The following STIM1 variants were observed in gnomAD, a reference collection of about 807,000 sequenced individuals.
STIM1 encodes stromal interaction molecule 1.
A neutral mutation model predicts 74.7 loss-of-function variants in STIM1; 25 were observed. That is an observed-to-expected ratio of 0.33 (90% confidence interval 0.24 to 0.47). The LOEUF (loss-of-function observed/expected upper bound fraction) is 0.47. STIM1 is among the 20% of genes least tolerant of loss of function. The pLI, the probability that STIM1 is intolerant of heterozygous loss-of-function variation, is 1.00. For synonymous variants in STIM1, 328 were observed against 348.8 expected, an observed-to-expected ratio of 0.94 and a Z score of 0.66; for missense variants, 728 against 920.8, an observed-to-expected ratio of 0.79 and a Z score of 2.71.
intron 2 of STIM1, among the ~76,000 whole-genome samples, chr11:3,997,355 T>TA (rs2093672061): frequency 6.6e-6 from 1 of 152,282 alleles, no homozygotes; most frequent in Admixed American, 6.5e-5. Flanking sequence ...AAGGACACTA[T>TA]AATTTATTAA....
chr11:4,054,807 C>A (rs908236695), intron 3 of STIM1, among the ~76,000 whole-genome samples: 2 of 152,242 alleles, frequency 1.3e-5, no homozygotes, highest in African/African-American at 4.8e-5. Context: ...CCTCTCCCCA[C>A]ACCCATGAAA....
intron 2 of STIM1, among the ~76,000 whole-genome samples, chr11:3,995,982 A>G (rs972598351): frequency 1.3e-5 from 2 of 152,108 alleles, no homozygotes; most frequent in African/African-American, 4.8e-5. Context: ...AGTTATCTCC[A>G]GCAAATTCTC....
intron 2 of STIM1, among the ~76,000 whole-genome samples, chr11:3,994,413 G>A (rs1009575048): frequency 1.3e-5 from 2 of 150,442 alleles, no homozygotes; most frequent in East Asian, 1.9e-4. Flanking sequence ...AAACTTGGGA[G>A]GTTTTTCAGC....
chr11:3,914,487 G>C (rs1398100471), intron 1 of STIM1, among the ~76,000 whole-genome samples: 1 of 152,110 alleles, frequency 6.6e-6, no homozygotes, highest in Non-Finnish European at 1.5e-5. Flanking sequence ...CTGTCGCCAG[G>C]CTGGAGTACA....
intron 2 of STIM1, among the ~76,000 whole-genome samples, chr11:3,974,456 G>T (rs1320955838): frequency 6.7e-6 from 1 of 149,240 alleles, no homozygotes; most frequent in Non-Finnish European, 1.5e-5. Flanking sequence ...CAGGAGGATT[G>T]CTTGAGCCCA....
chr11:3,931,104 G>A (rs1026177075), intron 1 of STIM1, among the ~76,000 whole-genome samples: 1 of 152,178 alleles, frequency 6.6e-6, no homozygotes, highest in African/African-American at 2.4e-5. Context: ...TGATGGGAGG[G>A]TGCATATATC....
At chr11:3,990,703 G>C (rs1008371948) in intron 2 of STIM1, among the ~76,000 whole-genome samples, 6 of 152,030 alleles carry the variant, frequency 3.9e-5, no homozygotes, top group African/African-American at 1.4e-4. Flanking sequence ...GATGACTAAT[G>C]GTATTGAACA....
intron 1 of STIM1, chr11:3,961,306 G>A (rs1043227437): frequency 8.3e-6 from 2 of 240,952 alleles, no homozygotes; most frequent in Non-Finnish European, 1.8e-5. Flanking sequence ...TTTTGACAGT[G>A]TTGCAGAAGA....
At chr11:3,981,036 C>T (rs112233013) in intron 2 of STIM1, among the ~76,000 whole-genome samples, 5,475 of 152,206 alleles carry the variant, frequency 0.036, 140 homozygotes, top group East Asian at 0.12. Flanking sequence ...CTTGTTCTGT[C>T]GCCCAGGCTG....
chr11:3,995,240 GT>G (rs2093653182), intron 2 of STIM1, among the ~76,000 whole-genome samples: 1 of 151,894 alleles, frequency 6.6e-6, no homozygotes, highest in Non-Finnish European at 1.5e-5. Flanking sequence ...TTTTTTGTTT[GT>G]TTGTTTGTTT....
chr11:4,083,098 C>G (rs1191637101), intron 9 of STIM1, 116 bp downstream of exon 9: 8 of 1,172,950 alleles, frequency 6.8e-6, no homozygotes, highest in Non-Finnish European at 1.0e-5. Context: ...CAGCTCTGGT[C>G]TCCTGCCTCA....
At chr11:3,856,529 G>A in intron 1 of STIM1, 120 bp downstream of exon 1, 1 of 1,235,332 alleles carries the variant, frequency 8.1e-7, no homozygotes, top group Non-Finnish European at 1.1e-6. Flanking sequence ...TTCACACATG[G>A]CACTGCCTGT....
chr11:3,889,496 T>C (rs2091834267), intron 1 of STIM1, among the ~76,000 whole-genome samples: 2 of 151,960 alleles, frequency 1.3e-5, no homozygotes. Context: ...GCCTCCAGAG[T>C]AGCTGGGATT....
At chr11:4,048,731 A>T (rs2094213365) in intron 3 of STIM1, among the ~76,000 whole-genome samples, 1 of 151,782 alleles carries the variant, frequency 6.6e-6, no homozygotes, top group South Asian at 2.1e-4. Context: ...AATTATTATT[A>T]TTATTATTAA....
chr11:4,002,764 A>G (rs1290024565), intron 2 of STIM1, among the ~76,000 whole-genome samples: 2 of 149,772 alleles, frequency 1.3e-5, no homozygotes, highest in African/African-American at 2.4e-5. Context: ...AAATAGAGAC[A>G]CAAAAAACCC....
intron 3 of STIM1, among the ~76,000 whole-genome samples, chr11:4,027,469 G>A (rs760183672): frequency 5.9e-5 from 9 of 151,934 alleles, no homozygotes; most frequent in South Asian, 2.1e-4. Context: ...GTGCCAGTGC[G>A]CCCAGCTAAT....
chr11:3,907,509 C>T (rs2092484559), intron 1 of STIM1, among the ~76,000 whole-genome samples: 1 of 152,224 alleles, frequency 6.6e-6, no homozygotes, highest in Non-Finnish European at 1.5e-5. Flanking sequence ...TCTGCACCTA[C>T]CACCCTGATC....
At chr11:4,047,557 A>C (rs559837043) in intron 3 of STIM1, among the ~76,000 whole-genome samples, 1 of 152,138 alleles carries the variant, frequency 6.6e-6, no homozygotes, top group Non-Finnish European at 1.5e-5. Context: ...CGGAGGCTTC[A>C]GTGAGCTGAG....
intron 6 of STIM1, among the ~76,000 whole-genome samples, chr11:4,072,587 G>T (rs1041746833): frequency 1.3e-5 from 2 of 152,134 alleles, no homozygotes; most frequent in Non-Finnish European, 2.9e-5. Flanking sequence ...ACCCAACAAT[G>T]ATTATTGTTC....
Sources: gnomAD v4.1 joint callset for allele counts (sites outside exome capture counted in the v4.1 genomes callset) on GRCh38, gnomAD v4.1.1 for gene constraint, MANE v1.5 for transcripts, NCBI Gene and HGNC (gene_info 2026-07-23, HGNC 2026-07-21) for gene names.